Variants in CCM2L observed in about 807,000 individuals in gnomAD.
CCM2L encodes the protein CCM2 like scaffold protein.
A neutral mutation model predicts 54.1 loss-of-function variants in CCM2L; 36 were observed. The observed-to-expected ratio is 0.67, with a 90% CI of 0.51 to 0.88. CCM2L has a LOEUF of 0.88. Among genes scored for constraint, CCM2L ranks in the 40% least tolerant of loss-of-function variants. The pLI, the probability that CCM2L is intolerant of heterozygous loss-of-function variation, is 0.00. For synonymous variants in CCM2L, 351 were observed against 359.3 expected (o/e 0.98, Z 0.26); for missense variants, 700 against 812.1 (o/e 0.86, Z 1.68).
Position 32,029,121 on chromosome 20 carries a change from C to T in CCM2L, c.1260C>T (p.Val420=). The T allele has an allele frequency of 6.2e-7, 1 of 1,614,180 alleles. No homozygotes were observed. The highest frequency in any genetic ancestry group is 8.5e-7 in the Non-Finnish European group (1 of 1,180,024). Residue 420 remains valine (V), a synonymous_variant, in exon 8 of 10, where the codon GTC becomes GTT. Transcript: ENST00000452892. The part of the protein sequence containing the change: ...LGLEQLQDYM[V]TLRSKLGPLE... ...TGGAGCAGTTACAGGATTACATGGTCACGGTGAGCTGGGGCCGGTGGTGGG... is the reference window on the plus strand; with the variant it reads ...TGGAGCAGTTACAGGATTACATGGTTACGGTGAGCTGGGGCCGGTGGTGGG...
At chr20:32,027,032 A>G (rs1220768606) in intron 7 of CCM2L, among the ~76,000 whole-genome samples, 6 of 152,326 alleles carry the variant, frequency 3.9e-5, no homozygotes, top group Admixed American at 2.6e-4. Flanking sequence ...AAATAAATAA[A>G]TAAACAAATA....
intron 2 of CCM2L, among the ~76,000 whole-genome samples, chr20:32,015,327 G>A (rs148426964): frequency 4.6e-5 from 7 of 152,252 alleles, no homozygotes; most frequent in African/African-American, 7.2e-5. Context: ...TGTTCTGTGC[G>A]TGGAAAAGTC....
rs2064919384 is a variant in CCM2L at position 32,031,078 on chromosome 20, G to T, written c.1480G>T (p.Gly494Cys). 2 of 1,304,268 alleles carry T rather than the reference G, an allele frequency of 1.5e-6. No homozygotes were observed. The highest frequency in any genetic ancestry group is 2.0e-6 in the Non-Finnish European group (2 of 988,946). 80.8% of individuals were successfully genotyped at this position (1,304,268 alleles called of 1,614,324 possible). ...FLEGVGIREGGILTDSFGRIK... is the reference protein window; with the variant it reads ...FLEGVGIREGCILTDSFGRIK... ...GGAGGGCGTGGGCATCCGCGAGGGC[G>T]GCATCCTCACTGACAGCTTCGGCCG... The change falls in exon 10 of 10, where the codon GGC becomes TGC. Residue 494 changes from glycine (G) to cysteine (C), a missense_variant. By Grantham distance (159) the Gly-to-Cys change is radical (BLOSUM62 -3). Coordinates refer to ENST00000452892, the MANE Select transcript of CCM2L (RefSeq NM_001365692.1).
chr20:32,023,125 C>T (rs1402356674), intron 6 of CCM2L, among the ~76,000 whole-genome samples: 1 of 152,094 alleles, frequency 6.6e-6, no homozygotes, highest in Admixed American at 6.5e-5. Context: ...TGCCACCACA[C>T]CCAGCTAATT....
chr20:32,027,194 T>A (rs1183464031), intron 7 of CCM2L, among the ~76,000 whole-genome samples: 2 of 152,238 alleles, frequency 1.3e-5, no homozygotes, highest in Non-Finnish European at 2.9e-5. Context: ...TACTGGTTGA[T>A]CACCTAGTTA....
chr20:32,015,021 C>A lies in CCM2L; in HGVS notation c.148C>A (p.Leu50Ile). ...GATGCCCCTTTATCCCCCCGACTAC[C>A]TCATCGACCCCCAGATTCTGCTGTG... is the stretch of plus-strand genomic sequence containing the variant. ...HSMPLYPPDYLIDPQILLCDY... is the reference protein window; with the variant it reads ...HSMPLYPPDYIIDPQILLCDY... Residue 50 changes from leucine (L) to isoleucine (I), a missense_variant, in exon 2 of 10, where the codon CTC becomes ATC. Physicochemically the swap from Leu to Ile is conservative, Grantham distance 5 (BLOSUM62 2). Coordinates refer to ENST00000452892, the MANE Select transcript of CCM2L (RefSeq NM_001365692.1). 1.3e-6 allele frequency: 2 copies of A among 1,561,960 alleles called. No homozygotes were observed. The highest frequency in any genetic ancestry group is 1.4e-5 in the African/African-American group (1 of 71,702).
intron 5 of CCM2L, among the ~76,000 whole-genome samples, chr20:32,022,066 T>C (rs564337062): frequency 6.6e-6 from 1 of 152,338 alleles, no homozygotes; most frequent in African/African-American, 2.4e-5. Flanking sequence ...GCTTAAGGCA[T>C]AAAGAGGTAA....
chr20:32,017,938 C>T (rs368226908), intron 3 of CCM2L, 41 bp from the exon 4 acceptor site: 30 of 1,613,266 alleles, frequency 1.9e-5, no homozygotes, highest in Non-Finnish European at 2.5e-5. Context: ...CCCTCTTCTA[C>T]CTGCGGACCT....
chr20:32,018,663 T>C (rs2064765143), intron 4 of CCM2L, among the ~76,000 whole-genome samples: 1 of 151,570 alleles, frequency 6.6e-6, no homozygotes, highest in African/African-American at 2.4e-5. Context: ...CCACCCTCTG[T>C]TCAGAGGGCA....
intron 5 of CCM2L, among the ~76,000 whole-genome samples, chr20:32,021,151 T>C (rs2064803639): frequency 6.6e-6 from 1 of 152,150 alleles, no homozygotes; most frequent in Non-Finnish European, 1.5e-5. Flanking sequence ...AGCCACATCA[T>C]GTCACTACTC....
At chr20:32,030,519 T>C (rs113455939) in intron 9 of CCM2L, among the ~76,000 whole-genome samples, 2,257 of 152,104 alleles carry the variant, frequency 0.015, 46 homozygotes, top group African/African-American at 0.052. Context: ...AATTAATCAA[T>C]GGGAATATAA....
At chr20:32,030,584 TC>T (rs917894249) in intron 9 of CCM2L, among the ~76,000 whole-genome samples, 1 of 151,990 alleles carries the variant, frequency 6.6e-6, no homozygotes, top group Non-Finnish European at 1.5e-5. Flanking sequence ...ACACCTGTAA[TC>T]CCAGCACTTT....
At chr20:32,013,670 A>T (rs2064713350) in intron 1 of CCM2L, among the ~76,000 whole-genome samples, 1 of 151,860 alleles carries the variant, frequency 6.6e-6, no homozygotes, top group African/African-American at 2.4e-5. Flanking sequence ...GGCTGGTCTC[A>T]AACTCCTGGG....
At chr20:32,018,542 T>C (rs1389390771) in intron 4 of CCM2L, among the ~76,000 whole-genome samples, 1 of 143,490 alleles carries the variant, frequency 7.0e-6, no homozygotes, top group Non-Finnish European at 1.5e-5. Context: ...GGGGCCTGAT[T>C]CCAGGGGCGG....
chr20:32,023,092 G>A (rs974117409), intron 6 of CCM2L, among the ~76,000 whole-genome samples: 7 of 151,928 alleles, frequency 4.6e-5, no homozygotes, highest in East Asian at 1.9e-4. Context: ...TCAGTCTCCC[G>A]AGTAGCTGGG....
chr20:32,029,635 CT>C, intron 8 of CCM2L, 64 bp from the exon 9 acceptor site: 1 of 1,538,620 alleles, frequency 6.5e-7, no homozygotes. Flanking sequence ...GGCTCTGGGC[CT>C]TTCAGGCAGG....
intron 2 of CCM2L, among the ~76,000 whole-genome samples, chr20:32,016,003 C>T (rs568526700): frequency 2.8e-4 from 43 of 152,126 alleles, no homozygotes; most frequent in Admixed American, 4.6e-4. Context: ...ACTACCGGCA[C>T]GCACCACCAC....
chr20:32,027,598 C>T (rs1464532155), intron 7 of CCM2L, among the ~76,000 whole-genome samples: 3 of 152,130 alleles, frequency 2.0e-5, no homozygotes, highest in Non-Finnish European at 2.9e-5. Context: ...TTAGTTTTCC[C>T]AAGGTCAAGC....
At chr20:32,029,256 T>G in intron 8 of CCM2L, 132 bp downstream of exon 8, 2 of 1,332,802 alleles carry the variant, frequency 1.5e-6, no homozygotes, top group East Asian at 2.3e-5. Flanking sequence ...GAAATGAGGT[T>G]AGGAGAGTAA....
Sources: allele counts gnomAD v4.1 joint callset (sites outside exome capture counted in the v4.1 genomes callset), GRCh38; gene constraint gnomAD v4.1.1; transcripts MANE v1.5; gene names NCBI Gene and HGNC (gene_info 2026-07-23, HGNC 2026-07-21).